Variants in MTOR observed in about 807,000 individuals in gnomAD.
MTOR encodes the protein mechanistic target of rapamycin kinase.
In MTOR, 70 loss-of-function variants were observed where a neutral mutation model predicts 319.8. That is an observed-to-expected ratio of 0.22 (90% CI 0.18 to 0.27). The LOEUF (loss-of-function observed/expected upper bound fraction) is 0.27, where lower values mean the gene tolerates loss of function less well. Among genes scored for constraint, MTOR ranks in the 10% least tolerant of loss-of-function variants. MTOR has a pLI of 1.00. For synonymous variants in MTOR, 1,183 were observed against 1,211.4 expected (o/e 0.98, Z 0.49); for missense variants, 1,890 against 3,274.4 (o/e 0.58, Z 10.32).
Position 11,259,296 on chromosome 1 carries a change from G to A in MTOR, c.114C>T (p.Ala38=), listed in dbSNP as rs770896560. 1.9e-6 allele frequency: 3 copies of A among 1,613,948 alleles called. No individual in the cohort carries two copies. Among genetic ancestry groups the A allele is most frequent in the Non-Finnish European group, 2.5e-6 (3 of 1,179,928 alleles). The change falls in exon 2 of 58, where the codon GCC becomes GCT. Residue 38 remains alanine (A), a synonymous_variant. Transcript: ENST00000361445. ...AGTGCTGGAGCTCCTTGGCGGCTTT[G>A]GCCCTGGTTTCCTCATTCCGGCTCT... ...GLKSRNEETR[A]KAAKELQHYV...
intron 34 of MTOR, chr1:11,143,855 T>G (rs560278836): frequency 3.3e-5 from 5 of 152,156 alleles, no homozygotes; most frequent in African/African-American, 4.8e-5. Context: ...GCTTTCTCTC[T>G]TTTTTCTTTT....
At position 11,109,748 on chromosome 1, in the gene MTOR, A is replaced by G; in HGVS notation, c.7367-19T>C. On this transcript the variant is annotated intron_variant, in intron 54 of 57. Transcript: ENST00000361445. This position sits in a 1 kb window ranked among gnomAD's most constrained non-coding sequence, Gnocchi z 4.0. ...AAAATTTCTATGGGAAAAGAAATCA[A>G]TTAACAGAAAATTCAAACACCAAAA... 1 of 1,610,586 alleles carries G rather than the reference A, an allele frequency of 6.2e-7. No homozygotes were observed. Among genetic ancestry groups the G allele is most frequent in the Non-Finnish European group, 8.5e-7 (1 of 1,176,702 alleles).
At position 11,247,622 on chromosome 1, in the gene MTOR, C is replaced by T; in HGVS notation, c.1225+3G>A. On this transcript the variant is annotated splice_donor_region_variant and intron_variant, in intron 8 of 57. Transcript: ENST00000361445. ...TAATGATGTCTTCCATGGACATCCT[C>T]ACCTGTGAAGGCAGAAGGTCGGAAT... The T allele has an allele frequency of 6.2e-7, 1 of 1,612,774 alleles. No homozygotes were observed. Among genetic ancestry groups the T allele is most frequent in the Non-Finnish European group, 8.5e-7 (1 of 1,178,868 alleles).
intron 18 of MTOR, 73 bp downstream of exon 18, chr1:11,230,852 C>T: frequency 1.2e-6 from 2 of 1,600,590 alleles, no homozygotes; most frequent in Non-Finnish European, 1.7e-6. Context: ...CAGCTCCAGA[C>T]TTTCTAAACA....
chr1:11,133,239 A>G lies in MTOR; in HGVS notation c.5247-42T>C, dbSNP rs1281273908. The G allele has an allele frequency of 6.5e-7, 1 of 1,548,976 alleles. No homozygotes were observed. On this transcript the variant is annotated intron_variant, in intron 37 of 57. Coordinates refer to ENST00000361445, the MANE Select transcript of MTOR (RefSeq NM_004958.4). The surrounding 1 kb of genome is among the most constrained non-coding windows in gnomAD (Gnocchi z 4.0). The stretch of plus-strand genomic sequence containing the variant: ...AAGCCCCCATGACATTCCCTCCTCA[A>G]AACAGCCCTCCTAAGAGGACCACAA...
At chr1:11,149,777 C>A (rs1375183135) in intron 31 of MTOR, among the ~76,000 whole-genome samples, 1 of 152,138 alleles carries the variant, frequency 6.6e-6, no homozygotes, top group Non-Finnish European at 1.5e-5. Flanking sequence ...TGACACCCCA[C>A]TGGTGTCTGC....
intron 18 of MTOR, 83 bp downstream of exon 18, chr1:11,230,842 C>G (rs754136358): frequency 6.3e-7 from 1 of 1,576,366 alleles, no homozygotes; most frequent in Non-Finnish European, 8.7e-7. Context: ...CTCAGTAATC[C>G]AGCTCCAGAC....
In MTOR at chr1:11,115,515, G is replaced by A. The variant is rs150306248; in HGVS notation, c.7017-47C>T. The A allele has an allele frequency of 2.0e-4, 309 of 1,575,250 alleles. 2 individuals are homozygous for A. In the African/African-American group the frequency reaches 3.7e-3, roughly 19 times the overall value. ...TCAGGGAGGGATCAACAGAGATAAC[G>A]GATGAAAAAATCAATAAGTACGTGA... On this transcript the variant is annotated intron_variant, in intron 50 of 57. Coordinates refer to ENST00000361445, the MANE Select transcript of MTOR (RefSeq NM_004958.4). The surrounding 1 kb of genome is among the most constrained non-coding windows in gnomAD (Gnocchi z 4.5).
At chr1:11,114,579 G>A in intron 52 of MTOR, 126 bp from the exon 53 acceptor site, 20 of 1,366,216 alleles carry the variant, frequency 1.5e-5, no homozygotes, top group Middle Eastern at 1.9e-4. Flanking sequence ...GGGTGAGAAT[G>A]TCTTAGGAGA....
chr1:11,163,009 G>C (rs1383387619), intron 29 of MTOR, among the ~76,000 whole-genome samples: 2 of 152,108 alleles, frequency 1.3e-5, no homozygotes, highest in Non-Finnish European at 2.9e-5. Context: ...AAAGAGTCAA[G>C]ACCCATCAGT....
chr1:11,110,570 A>C (rs181495801), intron 54 of MTOR, among the ~76,000 whole-genome samples: 1 of 152,012 alleles, frequency 6.6e-6, no homozygotes, highest in East Asian at 1.9e-4. Context: ...CTTATTTTGT[A>C]TTTTTAGTAC....
intron 30 of MTOR, among the ~76,000 whole-genome samples, chr1:11,151,436 A>G (rs532782955): frequency 6.6e-6 from 1 of 152,224 alleles, no homozygotes; most frequent in South Asian, 2.1e-4. Flanking sequence ...GTTTTCTGCC[A>G]CCGAGACTTA....
At chr1:11,193,470 T>C (rs1335459988) in intron 28 of MTOR, 6 of 936,288 alleles carry the variant, frequency 6.4e-6, no homozygotes, top group South Asian at 1.7e-5. Context: ...ACTGCGGGAG[T>C]GCACACATCT....
At chr1:11,216,124 G>A (rs2100806385) in intron 20 of MTOR, 24 bp downstream of exon 20, 1 of 1,569,228 alleles carries the variant, frequency 6.4e-7, no homozygotes, top group Non-Finnish European at 8.8e-7. Context: ...CATGGAAGAG[G>A]CCAAAGCATT....
rs1257311632 is a variant in MTOR, at chr1:11,248,085, C to T, written c.850G>A (p.Glu284Lys). The T allele has an allele frequency of 1.2e-6, 2 of 1,606,044 alleles. No homozygotes were observed. Among genetic ancestry groups the T allele is most frequent in the Non-Finnish European group, 1.7e-6 (2 of 1,174,886 alleles). ...ISSMEGERLREEMEEITQQQL... is the reference protein window; with the variant it reads ...ISSMEGERLRKEMEEITQQQL... ...TGCTGTGTGATTTCTTCCATTTCTT[C>T]TCTCAGACGCTATATATATGAGGAG... Residue 284 changes from glutamate (E) to lysine (K), a missense_variant, in exon 7 of 58, where the codon GAA (glutamate) becomes AAA (lysine). Coordinates refer to ENST00000361445, the MANE Select transcript of MTOR (RefSeq NM_004958.4).
In MTOR at chr1:11,238,066, C is replaced by T. The variant is rs976280504; in HGVS notation, c.2003-18G>A. On this transcript the variant is annotated intron_variant, in intron 12 of 57. Transcript: ENST00000361445. Reference sequence around the variant, plus strand: ...GTCAGGGTCTGCAAGAGCAATGGAGCCTTTGAACATTTCCTCATGATCCCA... The same window carrying T: ...GTCAGGGTCTGCAAGAGCAATGGAGTCTTTGAACATTTCCTCATGATCCCA... 1 of 1,612,838 alleles carries T rather than the reference C, an allele frequency of 6.2e-7. No homozygotes were observed. Among genetic ancestry groups the T allele is most frequent in the South Asian group, 1.1e-5 (1 of 91,040 alleles).
At chr1:11,139,842 C>G (rs188835638) in intron 34 of MTOR, among the ~76,000 whole-genome samples, 184 bp from the exon 35 acceptor site, 1 of 152,174 alleles carries the variant, frequency 6.6e-6, no homozygotes, top group African/African-American at 2.4e-5. Flanking sequence ...CAGGCGTGTG[C>G]CATCATGCCT....
intron 21 of MTOR, 145 bp downstream of exon 21, chr1:11,213,254 C>G: frequency 1.3e-6 from 1 of 778,824 alleles, no homozygotes; most frequent in East Asian, 2.6e-5. Context: ...AAACTGCACA[C>G]ATTGGGTATT....
chr1:11,216,948 C>G (rs1323132214), intron 19 of MTOR, among the ~76,000 whole-genome samples: 1 of 152,194 alleles, frequency 6.6e-6, no homozygotes, highest in Non-Finnish European at 1.5e-5. Context: ...CCTGGAATTA[C>G]TAAACTTAAA....
Sources: gnomAD v4.1 joint callset for allele counts (sites outside exome capture counted in the v4.1 genomes callset) on GRCh38, gnomAD v4.1.1 for gene constraint, Gnocchi (gnomAD v3.1) non-coding constraint, MANE v1.5 for transcripts, NCBI Gene and HGNC (gene_info 2026-07-23, HGNC 2026-07-21) for gene names.